The following CLNS1A variants were observed in gnomAD, a reference collection of about 807,000 sequenced individuals.
The protein encoded by CLNS1A is methylosome subunit pICln.
CLNS1A carries 16 observed loss-of-function variants against 29.4 expected under a neutral mutation model. The observed-to-expected ratio is 0.54, with a 90% CI of 0.37 to 0.83. The LOEUF (loss-of-function observed/expected upper bound fraction) is 0.83. Ranked by LOEUF, CLNS1A falls within the 40% of genes least tolerant of loss-of-function variation. The pLI is 0.00. For synonymous variants in CLNS1A, 96 were observed against 104.8 expected (o/e 0.92, Z 0.51); for missense variants, 235 against 287.4 (o/e 0.82, Z 1.32).
chr11:77,624,746 G>A (rs1958998406), intron 4 of CLNS1A, among the ~76,000 whole-genome samples: 2 of 151,708 alleles, frequency 1.3e-5, no homozygotes, highest in Non-Finnish European at 2.9e-5. Flanking sequence ...TTGAACCTAG[G>A]AGGCAGAGGT....
intron 2 of CLNS1A, among the ~76,000 whole-genome samples, chr11:77,629,418 G>A (rs574335131): frequency 6.7e-6 from 1 of 150,172 alleles, no homozygotes; most frequent in Non-Finnish European, 1.5e-5. Flanking sequence ...TTTTTAGACG[G>A]AGTCTCACTT....
intron 1 of CLNS1A, among the ~76,000 whole-genome samples, chr11:77,632,824 CCTA>C (rs1340870915): frequency 2.0e-5 from 3 of 151,850 alleles, no homozygotes; most frequent in African/African-American, 7.3e-5. Flanking sequence ...GTGGCTCAGG[CCTA>C]TAATTTTGGG....
chr11:77,632,929 A>C (rs1012533627), intron 1 of CLNS1A, among the ~76,000 whole-genome samples: 1 of 151,930 alleles, frequency 6.6e-6, no homozygotes, highest in Admixed American at 6.6e-5. Flanking sequence ...TCTATTAAAA[A>C]TACGAAAATT....
At position 77,622,613 on chromosome 11, in the gene CLNS1A, G is replaced by T; in HGVS notation, c.533C>A (p.Thr178Lys). Residue 178 changes from threonine (T) to lysine (K), a missense_variant, in exon 5 of 7, where the codon ACA becomes AAA. Thr to Lys is a moderately conservative substitution (Grantham distance 78, BLOSUM62 -1). Coordinates refer to ENST00000525428, the MANE Select transcript of CLNS1A (RefSeq NM_001293.3). ...CTCCAGTGTGGCTTGGCCTTCTGCT[G>T]TTAGATGGGATAATCCTTCTTCATA... The part of the protein sequence containing the change: ...YTYEEGLSHL[T>K]AEGQATLERL... 2 of 1,613,648 alleles carry T rather than the reference G, an allele frequency of 1.2e-6. No individual in the cohort carries two copies. The highest frequency in any genetic ancestry group is 2.2e-5 in the South Asian group (2 of 91,030).
Position 77,619,677 on chromosome 11 carries a change from G to T in CLNS1A, c.665C>A (p.Thr222Asn). Residue 222 changes from threonine to asparagine, a missense_variant, in exon 6 of 7, where the codon ACC (threonine) becomes AAC (asparagine). Transcript: ENST00000525428. ...AAACTGTCCAGCAACTGTTGGTGTG[G>T]TATCCACCTCCATCCCATCTAAACA... ...RDYEDGMEVD[T>N]TPTVAGQFED... 6.2e-7 allele frequency: 1 copy of T among 1,613,492 alleles called. No individual in the cohort carries two copies. The highest frequency in any genetic ancestry group is 8.5e-7 in the Non-Finnish European group (1 of 1,179,516).
At chr11:77,635,454 C>T (rs1461811973) in intron 1 of CLNS1A, among the ~76,000 whole-genome samples, 4 of 151,380 alleles carry the variant, frequency 2.6e-5, no homozygotes, top group African/African-American at 4.9e-5. Context: ...CGGGTTCAAG[C>T]GATTCTCCTG....
chr11:77,632,199 GA>G (rs2135776631), intron 1 of CLNS1A, among the ~76,000 whole-genome samples: 1 of 152,262 alleles, frequency 6.6e-6, no homozygotes, highest in East Asian at 1.9e-4. Flanking sequence ...ATGTGGAGAG[GA>G]AATAATGCCC....
intron 2 of CLNS1A, among the ~76,000 whole-genome samples, chr11:77,627,830 C>CT (rs1215341552): frequency 1.3e-5 from 2 of 151,862 alleles, no homozygotes; most frequent in Non-Finnish European, 2.9e-5. Context: ...AGAGTTCTTA[C>CT]TTTTTTTTCT....
At position 77,619,610 on chromosome 11, in the gene CLNS1A, A is replaced by C. The variant is rs774106535; in HGVS notation, c.*18T>G. The C allele has an allele frequency of 2.5e-6, 4 of 1,596,364 alleles. No individual in the cohort carries two copies. The highest frequency in any genetic ancestry group is 3.4e-6 in the Non-Finnish European group (4 of 1,163,814). On this transcript the variant is annotated 3_prime_UTR_variant, in exon 6 of 7. Transcript: ENST00000525428. The stretch of plus-strand genomic sequence containing the variant: ...GGGAGAAAATGAACTACTCACCTTA[A>C]ACTTGCATAAATCATTTTCAGTGAT...
At chr11:77,637,297 G>A (rs1199617567) in intron 1 of CLNS1A, among the ~76,000 whole-genome samples, 18 of 59,958 alleles carry the variant, frequency 3.0e-4, no homozygotes, top group African/African-American at 6.3e-4. Context: ...GAAGAAGAAA[G>A]AAAGAGAGAA....
chr11:77,637,243 T>TAAAA (rs747109219), intron 1 of CLNS1A, among the ~76,000 whole-genome samples: 8 of 43,158 alleles, frequency 1.9e-4, no homozygotes, highest in African/African-American at 7.1e-4. Context: ...ATAGGCGAGT[T>TAAAA]AAAAAAAAAA....
In CLNS1A at chr11:77,625,077, A is replaced by G. The variant is rs763033179; in HGVS notation, c.365-7T>C. On this transcript the variant is annotated splice_region_variant and splice_polypyrimidine_tract_variant and intron_variant, in intron 3 of 6. Coordinates refer to ENST00000525428, the MANE Select transcript of CLNS1A (RefSeq NM_001293.3). ...GCAGTGAACATTGCCTCCACTGAAC[A>G]AGGAAATTAAACTGTAACCAATCTT... 4 of 1,589,670 alleles carry G rather than the reference A, an allele frequency of 2.5e-6. No homozygotes were observed. The highest frequency in any genetic ancestry group is 2.3e-5 in the South Asian group (2 of 88,280).
At chr11:77,625,131 A>C in intron 3 of CLNS1A, 61 bp from the exon 4 acceptor site, 1 of 1,193,818 alleles carries the variant, frequency 8.4e-7, no homozygotes, top group South Asian at 1.3e-5. Flanking sequence ...CCATCAGTGC[A>C]AATAAATTTA....
intron 1 of CLNS1A, among the ~76,000 whole-genome samples, chr11:77,633,511 A>G (rs905006690): frequency 1.3e-5 from 2 of 152,246 alleles, no homozygotes; most frequent in African/African-American, 4.8e-5. Flanking sequence ...GACAAGAAGA[A>G]TTAGACACAG....
intron 2 of CLNS1A, among the ~76,000 whole-genome samples, chr11:77,628,709 A>G (rs1049142034): frequency 6.6e-6 from 1 of 152,228 alleles, no homozygotes; most frequent in African/African-American, 2.4e-5. Context: ...CTTGTAGGTA[A>G]CTTCATAGGA....
At chr11:77,626,049 C>T in intron 2 of CLNS1A, among the ~76,000 whole-genome samples, 1 of 152,148 alleles carries the variant, frequency 6.6e-6, no homozygotes, top group African/African-American at 2.4e-5. Context: ...TCCCTCCGCG[C>T]CTCACCGGGA....
chr11:77,637,243 T>TA lies in CLNS1A; in HGVS notation c.125+346dup, dbSNP rs747109219. ...CCAGACCTCCAGTAAATAGGCGAGT[T>TA]AAAAAAAAAAAAAAAAGAAAATAAA... On this transcript the variant is annotated intron_variant, in intron 1 of 6. Coordinates refer to ENST00000525428, the MANE Select transcript of CLNS1A (RefSeq NM_001293.3). Among the ~76,000 whole-genome samples, 128 of 43,146 alleles carry TA rather than the reference T, an allele frequency of 3.0e-3. 2 individuals are homozygous for TA. Among genetic ancestry groups the TA allele is most frequent in the South Asian group, 0.026 (30 of 1,156 alleles). 28.3% of individuals were successfully genotyped at this position (43,146 alleles called of 152,430 possible).
At chr11:77,624,784 A>T (rs148525972) in intron 4 of CLNS1A, among the ~76,000 whole-genome samples, 179 bp downstream of exon 4, 22 of 152,222 alleles carry the variant, frequency 1.4e-4, no homozygotes, top group African/African-American at 5.1e-4. Flanking sequence ...ACGCCATTGC[A>T]CTCCAGCCTG....
chr11:77,633,301 G>C (rs4945191), intron 1 of CLNS1A, among the ~76,000 whole-genome samples: 27,505 of 151,996 alleles, frequency 0.18, 3,181 homozygotes, highest in African/African-American at 0.31. Flanking sequence ...TAAATCTACT[G>C]AAAGTATTCA....
Sources: allele counts gnomAD v4.1 joint callset (sites outside exome capture counted in the v4.1 genomes callset), GRCh38; gene constraint gnomAD v4.1.1; transcripts MANE v1.5; gene names NCBI Gene and HGNC (gene_info 2026-07-23, HGNC 2026-07-21).